The following DDI2 variants were observed in gnomAD, a reference collection of about 807,000 sequenced individuals.
DDI2 encodes DDI proteasomal shuttling factor 2.
A neutral mutation model predicts 48.1 loss-of-function variants in DDI2; 5 were observed. The ratio of observed to expected loss-of-function variants is 0.10; its 90% CI spans 0.05 to 0.22. The LOEUF (loss-of-function observed/expected upper bound fraction) is 0.22, where lower values mean the gene tolerates loss of function less well. DDI2 is among the 10% of genes least tolerant of loss of function. The pLI, the probability that DDI2 is intolerant of heterozygous loss-of-function variation, is 1.00. For synonymous variants in DDI2, 205 were observed against 183.6 expected, an observed-to-expected ratio of 1.12 and a Z score of -0.94; for missense variants, 285 against 506.2, an observed-to-expected ratio of 0.56 and a Z score of 4.19.
At position 15,660,079 on chromosome 1, in the gene DDI2, CA is replaced by C. The variant is rs1342937282; in HGVS notation, c.*290del. ...CCAGCTAAACTCTGAAAAGAAAGAA[CA>C]TCTTTCTTTACAAGATCTTTCTGAT... On this transcript the variant is annotated 3_prime_UTR_variant, in exon 10 of 10. Coordinates refer to ENST00000480945, the MANE Select transcript of DDI2 (RefSeq NM_032341.5). 1 of 1,613,822 alleles carries C rather than the reference CA, an allele frequency of 6.2e-7. No homozygotes were observed. The highest frequency in any genetic ancestry group is 1.3e-5 in the African/African-American group (1 of 74,904).
rs1305067608 is a variant in DDI2, at chr1:15,660,127, G to A, written c.*337G>A. 1 of 1,614,086 alleles carries A rather than the reference G, an allele frequency of 6.2e-7. No homozygotes were observed. The highest frequency in any genetic ancestry group is 1.3e-5 in the African/African-American group (1 of 74,920). On this transcript the variant is annotated 3_prime_UTR_variant, in exon 10 of 10. Coordinates refer to ENST00000480945, the MANE Select transcript of DDI2 (RefSeq NM_032341.5). ...TGATCATGCTTCCTCAGCAGACCATGCTCCAACAGACCAGAGTCCAGCTAT... is the reference window on the plus strand; with the variant it reads ...TGATCATGCTTCCTCAGCAGACCATACTCCAACAGACCAGAGTCCAGCTAT...
rs1570972040 is a variant in DDI2, at chr1:15,632,514, CAA to C, written c.506-924_506-923del. ...CGCCATTGCTCCCCAGCCTGGGCAA[CAA>C]GAGCGAAACTCCATCTCAAAAAAAA... On this transcript the variant is annotated intron_variant, in intron 3 of 9. Coordinates refer to ENST00000480945, the MANE Select transcript of DDI2 (RefSeq NM_032341.5). Among the ~76,000 whole-genome samples the C allele has an allele frequency of 2.0e-5, 3 of 152,126 alleles. No homozygotes were observed. The East Asian group carries it at 5.8e-4, about 29-fold the overall frequency.
At chr1:15,620,922 T>C (rs1188578886) in intron 1 of DDI2, among the ~76,000 whole-genome samples, 1 of 152,248 alleles carries the variant, frequency 6.6e-6, no homozygotes, top group Admixed American at 6.5e-5. Context: ...ATGGCTGCCC[T>C]ACATTGGTGA....
At chr1:15,626,884 G>A in intron 2 of DDI2, 86 bp downstream of exon 2, 1 of 1,526,870 alleles carries the variant, frequency 6.5e-7, no homozygotes, top group Non-Finnish European at 9.0e-7. Flanking sequence ...GATTCGCTTT[G>A]GATTCAGACT....
In DDI2 at chr1:15,653,253, GTTTTA is replaced by G. The variant is rs537891116; in HGVS notation, c.1183+1372_1183+1376del. ...CTATTTCTTTCCTTTTCTTAGGACTGTTTTATTTTATTTTATTTATTTTATTTTAT... is the reference window on the plus strand; with the variant it reads ...CTATTTCTTTCCTTTTCTTAGGACTGTTTTATTTTATTTATTTTATTTTAT... On this transcript the variant is annotated intron_variant, in intron 8 of 9. Coordinates refer to ENST00000480945, the MANE Select transcript of DDI2 (RefSeq NM_032341.5). Among the ~76,000 whole-genome samples, 546 of 151,136 alleles carry G rather than the reference GTTTTA, an allele frequency of 3.6e-3. 2 individuals are homozygous for G. The highest frequency in any genetic ancestry group is 5.9e-3 in the Admixed American group (89 of 15,186).
At chr1:15,642,071 G>A (rs1455832883) in intron 5 of DDI2, among the ~76,000 whole-genome samples, 2 of 151,948 alleles carry the variant, frequency 1.3e-5, no homozygotes, top group Non-Finnish European at 2.9e-5. Flanking sequence ...AAAGTGAACA[G>A]TGCCCAGGTT....
At position 15,658,621 on chromosome 1, in the gene DDI2, G is replaced by A. The variant is rs138215917; in HGVS notation, c.*47-1216G>A. ...CTACTAAAAATGCAAAATTAGTCGGGTGTGTGGCGCATGCATGTAATCCCA... is the reference window on the plus strand; with the variant it reads ...CTACTAAAAATGCAAAATTAGTCGGATGTGTGGCGCATGCATGTAATCCCA... On this transcript the variant is annotated intron_variant, in intron 9 of 9. Transcript: ENST00000480945. Among the ~76,000 whole-genome samples, 636 of 152,034 alleles carry A rather than the reference G, an allele frequency of 4.2e-3. 4 individuals carry two copies. The highest frequency in any genetic ancestry group is 0.012 in the African/African-American group (491 of 41,520).
In DDI2 at chr1:15,660,848, G is replaced by A. The variant is rs753268318; in HGVS notation, c.*1058G>A. On this transcript the variant is annotated 3_prime_UTR_variant, in exon 10 of 10. Coordinates refer to ENST00000480945, the MANE Select transcript of DDI2 (RefSeq NM_032341.5). Reference sequence around the variant, plus strand: ...ATACCTGGAACAAATAAAGAATATGGCCATTACTCCTCTCCAAGTCTCTGT... The same window carrying A: ...ATACCTGGAACAAATAAAGAATATGACCATTACTCCTCTCCAAGTCTCTGT... The A allele has an allele frequency of 6.2e-7, 1 of 1,614,102 alleles. No homozygotes were observed. Among genetic ancestry groups the A allele is most frequent in the Admixed American group, 1.7e-5 (1 of 60,004 alleles).
chr1:15,633,846 A>G (rs1639885366), intron 4 of DDI2: 1 of 472,820 alleles, frequency 2.1e-6, no homozygotes, highest in South Asian at 1.5e-5. Flanking sequence ...GCTTTAGATA[A>G]ATGACCCCCG....
intron 4 of DDI2, among the ~76,000 whole-genome samples, chr1:15,634,559 G>C (rs893468518): frequency 1.7e-4 from 2 of 11,776 alleles, no homozygotes; most frequent in Non-Finnish European, 2.8e-4. Context: ...TTGAGACAAG[G>C]TCTCACTCTG....
intron 8 of DDI2, among the ~76,000 whole-genome samples, chr1:15,653,736 A>G (rs1030726357): frequency 4.6e-5 from 7 of 151,962 alleles, no homozygotes; most frequent in South Asian, 4.2e-4. Context: ...GGCTCAAGCA[A>G]TCCACCCGCC....
At chr1:15,655,951 T>A (rs1640265913) in intron 8 of DDI2, among the ~76,000 whole-genome samples, 1 of 151,972 alleles carries the variant, frequency 6.6e-6, no homozygotes, top group Non-Finnish European at 1.5e-5. Context: ...AAGAGCTTAT[T>A]TTTTAAATAC....
chr1:15,661,821 T>A lies in DDI2; in HGVS notation c.*2031T>A. 7.4e-7 allele frequency: 1 copy of A among 1,359,984 alleles called. No homozygotes were observed. Among genetic ancestry groups the A allele is most frequent in the Non-Finnish European group, 9.5e-7 (1 of 1,047,276 alleles). 84.2% of individuals were successfully genotyped at this position (1,359,984 alleles called of 1,614,324 possible). The stretch of plus-strand genomic sequence containing the variant: ...ATACACACTCACCACATATACAGTA[T>A]ATATAGAAACCTGCAAGCAGAATGT... On this transcript the variant is annotated 3_prime_UTR_variant, in exon 10 of 10. Transcript: ENST00000480945.
intron 8 of DDI2, among the ~76,000 whole-genome samples, chr1:15,655,658 CAGG>C (rs2103480171): frequency 6.6e-6 from 1 of 150,990 alleles, no homozygotes; most frequent in South Asian, 2.1e-4. Context: ...GAGGCTGAGG[CAGG>C]AGAATTGCTT....
intron 9 of DDI2, among the ~76,000 whole-genome samples, chr1:15,657,322 T>C (rs902056751): frequency 6.6e-6 from 1 of 152,258 alleles, no homozygotes; most frequent in African/African-American, 2.4e-5. Context: ...AAAGATGGTC[T>C]TTTAAACCAG....
Position 15,667,349 on chromosome 1 carries a change from A to G in DDI2, c.*7559A>G, listed in dbSNP as rs757633391. ...GATGGCCAGGAAAGAAGTGCAACAA[A>G]TAAATGGAAGATGACCCTAAAAATG... On this transcript the variant is annotated 3_prime_UTR_variant, in exon 10 of 10. Transcript: ENST00000480945. 9.2e-5 allele frequency: 14 copies of G among 152,264 alleles called. No individual in the cohort carries two copies. The highest frequency in any genetic ancestry group is 2.9e-4 in the African/African-American group (12 of 41,462). 9.4% of individuals were successfully genotyped at this position (152,264 alleles called of 1,614,324 possible).
At chr1:15,618,358 A>C (rs1271703721) in intron 1 of DDI2, among the ~76,000 whole-genome samples, 2 of 150,828 alleles carry the variant, frequency 1.3e-5, no homozygotes. Context: ...TAAGACTTGC[A>C]CTACCTCATT....
intron 7 of DDI2, 106 bp from the exon 8 acceptor site, chr1:15,651,600 T>G: frequency 1.4e-4 from 149 of 1,047,690 alleles, no homozygotes; most frequent in Non-Finnish European, 1.9e-4. Flanking sequence ...ATTACAGGCA[T>G]GAGTCACCGT....
chr1:15,664,057 A>G lies in DDI2; in HGVS notation c.*4267A>G, dbSNP rs927207. ...AATGAGCTTAACCCACTTGCCAAAT[A>G]TCCTTGTCCCTTCCATCATTTTATT... On this transcript the variant is annotated 3_prime_UTR_variant, in exon 10 of 10. Transcript: ENST00000480945. 47,448 of 151,982 alleles carry G rather than the reference A, an allele frequency of 0.31. 8,132 individuals are homozygous for G. The highest frequency in any genetic ancestry group is 0.43 in the African/African-American group (17,780 of 41,418). The allele number at this position is 151,982 out of a possible 1,614,324, so 9.4% of individuals were successfully genotyped here.
Sources: gnomAD v4.1 joint callset for allele counts (sites outside exome capture counted in the v4.1 genomes callset) on GRCh38, gnomAD v4.1.1 for gene constraint, MANE v1.5 for transcripts, NCBI Gene and HGNC (gene_info 2026-07-23, HGNC 2026-07-21) for gene names.